Variants in PCOLCE2 observed in about 807,000 individuals in gnomAD.
The protein encoded by PCOLCE2 is procollagen C-proteinase enhancer 2.
Under a neutral mutation model 47.0 loss-of-function variants are expected in PCOLCE2, and 42 were observed. The observed-to-expected ratio is 0.89, with a 90% CI of 0.70 to 1.16. The LOEUF (loss-of-function observed/expected upper bound fraction) is 1.16, where lower values mean the gene tolerates loss of function less well. Ranked by LOEUF, PCOLCE2 falls within the 50% of genes most tolerant of loss-of-function variation. The pLI is 0.00. For synonymous variants in PCOLCE2, 169 were observed against 191.7 expected, an observed-to-expected ratio of 0.88 and a Z score of 0.98; for missense variants, 500 against 526.1, an observed-to-expected ratio of 0.95 and a Z score of 0.49.
At chr3:142,824,699 G>C (rs1560129206) in intron 6 of PCOLCE2, among the ~76,000 whole-genome samples, 1 of 152,176 alleles carries the variant, frequency 6.6e-6, no homozygotes, top group Non-Finnish European at 1.5e-5. Flanking sequence ...GAGTACAATG[G>C]TGTGATCTTG....
intron 5 of PCOLCE2, among the ~76,000 whole-genome samples, chr3:142,832,735 A>T (rs1182341572): frequency 6.8e-6 from 1 of 148,148 alleles, no homozygotes; most frequent in Non-Finnish European, 1.5e-5. Flanking sequence ...GGAGGAATCA[A>T]TGTTTCTGAA....
rs537932092 is a variant in PCOLCE2 at position 142,831,641 on chromosome 3, C to T, written c.711-1795G>A. 3.9e-5 allele frequency among the ~76,000 whole-genome samples: 6 copies of T among 152,222 alleles called. No homozygotes were observed. In the South Asian group the frequency reaches 1.0e-3, roughly 26 times the overall value. On this transcript the variant is annotated intron_variant, in intron 5 of 8. Coordinates refer to ENST00000295992, the MANE Select transcript of PCOLCE2 (RefSeq NM_013363.4). ...TCCCATTAAATAAATAAAAACAATG[C>T]ACTACACACAATTCTAACCTACAAT...
chr3:142,888,760 A>AG, intron 1 of PCOLCE2, 54 bp downstream of exon 1: 1 of 1,072,486 alleles, frequency 9.3e-7, no homozygotes, highest in South Asian at 1.9e-5. Flanking sequence ...GCGAGGCTGC[A>AG]GGGGTGGAGG....
Position 142,842,995 on chromosome 3 carries a change from G to A in PCOLCE2, c.502C>T (p.Pro168Ser). The A allele has an allele frequency of 2.5e-6, 4 of 1,613,858 alleles. No individual in the cohort carries two copies. Among genetic ancestry groups the A allele is most frequent in the Non-Finnish European group, 3.4e-6 (4 of 1,179,788 alleles). ...LDRPSGSFKT[P>S]NWPDRDYPAG... is the part of the protein sequence containing the mutation. Reference sequence around the variant, plus strand: ...GGGTAATCCCGGTCTGGCCAGTTGGGGGTTTTAAAAGAGCCGGAAGGTCTG... The same window carrying A: ...GGGTAATCCCGGTCTGGCCAGTTGGAGGTTTTAAAAGAGCCGGAAGGTCTG... Residue 168 changes from proline to serine, a missense_variant, in exon 4 of 9, where the codon CCC becomes TCC. Transcript: ENST00000295992. The surrounding 1 kb of genome is among the most constrained non-coding windows in gnomAD (Gnocchi z 4.1).
chr3:142,819,173 G>A (rs553037785), intron 8 of PCOLCE2, among the ~76,000 whole-genome samples: 23 of 152,320 alleles, frequency 1.5e-4, no homozygotes, highest in African/African-American at 5.3e-4. Flanking sequence ...TCGGTGTCAA[G>A]AGTACTTATA....
chr3:142,827,302 A>T, intron 6 of PCOLCE2: 2 of 1,339,228 alleles, frequency 1.5e-6, no homozygotes, highest in Admixed American at 1.7e-5. Flanking sequence ...TCTTTGCCTT[A>T]TATTTGTGGT....
chr3:142,825,343 C>T (rs1937063869), intron 6 of PCOLCE2, among the ~76,000 whole-genome samples: 1 of 152,094 alleles, frequency 6.6e-6, no homozygotes, highest in South Asian at 2.1e-4. Context: ...CTCTCTCCTT[C>T]CCCTCCTCAT....
At chr3:142,865,486 T>C (rs1933267870) in intron 2 of PCOLCE2, among the ~76,000 whole-genome samples, 1 of 152,164 alleles carries the variant, frequency 6.6e-6, no homozygotes, top group South Asian at 2.1e-4. Flanking sequence ...ACAAGCTTGT[T>C]TAATGAAGTT....
rs778373083 is a variant in PCOLCE2 at position 142,842,368 on chromosome 3, T to G, written c.573+556A>C. Among the ~76,000 whole-genome samples the G allele has an allele frequency of 6.6e-6, 1 of 152,180 alleles. No homozygotes were observed. Among genetic ancestry groups the G allele is most frequent in the Admixed American group, 6.5e-5 (1 of 15,276 alleles). On this transcript the variant is annotated intron_variant, in intron 4 of 8. Coordinates refer to ENST00000295992, the MANE Select transcript of PCOLCE2 (RefSeq NM_013363.4). The surrounding 1 kb of genome is among the most constrained non-coding windows in gnomAD (Gnocchi z 4.1). The stretch of plus-strand genomic sequence containing the variant: ...ATCCTATGTGAGATCTGCTTACCAT[T>G]TGTATTTTTAAAACTGTTTTGAAAA...
At chr3:142,862,551 TA>T (rs1222408283) in intron 2 of PCOLCE2, among the ~76,000 whole-genome samples, 1 of 152,214 alleles carries the variant, frequency 6.6e-6, no homozygotes, top group Non-Finnish European at 1.5e-5. Context: ...CTTAAATACA[TA>T]AATAAATGCT....
intron 2 of PCOLCE2, among the ~76,000 whole-genome samples, chr3:142,853,025 G>C (rs1282514957): frequency 2.7e-5 from 4 of 150,386 alleles, no homozygotes; most frequent in African/African-American, 9.8e-5. Flanking sequence ...AGGATTACTT[G>C]AGCCTGGGAC....
At chr3:142,818,504 T>C (rs993094765) in intron 8 of PCOLCE2, 39 bp from the exon 9 acceptor site, 14 of 1,509,090 alleles carry the variant, frequency 9.3e-6, no homozygotes, top group African/African-American at 6.9e-5. Flanking sequence ...TTTTTCTCTA[T>C]GTATCATGTG....
chr3:142,840,283 C>A (rs1189943963), intron 4 of PCOLCE2, among the ~76,000 whole-genome samples: 1 of 152,128 alleles, frequency 6.6e-6, no homozygotes, highest in Non-Finnish European at 1.5e-5. Flanking sequence ...CTAAATTATT[C>A]ACGTGAATAG....
intron 2 of PCOLCE2, among the ~76,000 whole-genome samples, chr3:142,878,861 A>G (rs1475982570): frequency 6.6e-6 from 1 of 152,064 alleles, no homozygotes; most frequent in Non-Finnish European, 1.5e-5. Context: ...TCAAAAAAAA[A>G]AAACCCGAAA....
At chr3:142,821,759 G>A (rs1307966079) in intron 7 of PCOLCE2, among the ~76,000 whole-genome samples, 1 of 150,774 alleles carries the variant, frequency 6.6e-6, no homozygotes, top group African/African-American at 2.4e-5. Context: ...GTAAACCCCT[G>A]TTTTTTCCAT....
At chr3:142,859,447 C>A (rs28588125) in intron 2 of PCOLCE2, among the ~76,000 whole-genome samples, 3 of 151,966 alleles carry the variant, frequency 2.0e-5, no homozygotes, top group African/African-American at 7.3e-5. Flanking sequence ...ATGCAATAAT[C>A]TAAGAAACAA....
chr3:142,854,781 A>G (rs1181811571), intron 2 of PCOLCE2, among the ~76,000 whole-genome samples: 3 of 152,194 alleles, frequency 2.0e-5, no homozygotes, highest in Non-Finnish European at 4.4e-5. Context: ...ACACTTAGTG[A>G]ACATCAGGTG....
chr3:142,839,680 T>C lies in PCOLCE2; in HGVS notation c.574-774A>G, dbSNP rs1409377037. ...CAAAATAATAACTATGTGAGGTGGA[T>C]ATGTTAATTACTTTGATTGTGGTAA... On this transcript the variant is annotated intron_variant, in intron 4 of 8. Transcript: ENST00000295992. Among the ~76,000 whole-genome samples the C allele has an allele frequency of 2.0e-5, 3 of 152,348 alleles. No homozygotes were observed. In the East Asian group the frequency reaches 5.8e-4, roughly 29 times the overall value.
At chr3:142,874,093 T>C (rs560202701) in intron 2 of PCOLCE2, among the ~76,000 whole-genome samples, 1 of 152,266 alleles carries the variant, frequency 6.6e-6, no homozygotes, top group Admixed American at 6.5e-5. Context: ...TTTATTTTAT[T>C]TGAGACAGAG....
Sources: gnomAD v4.1 joint callset for allele counts (sites outside exome capture counted in the v4.1 genomes callset) on GRCh38, gnomAD v4.1.1 for gene constraint, Gnocchi (gnomAD v3.1) non-coding constraint, MANE v1.5 for transcripts, NCBI Gene and HGNC (gene_info 2026-07-23, HGNC 2026-07-21) for gene names.